AKT3: variants seen among roughly 807,000 people sequenced by gnomAD.
AKT3 encodes the protein RAC-gamma serine/threonine-protein kinase.
AKT3 carries 15 observed loss-of-function variants against 65.3 expected under a neutral mutation model. The observed-to-expected ratio is 0.23, with a 90% CI of 0.15 to 0.35. The LOEUF (loss-of-function observed/expected upper bound fraction) is 0.35. Ranked by LOEUF, AKT3 falls within the 10% of genes least tolerant of loss-of-function variation. The pLI is 1.00. For synonymous variants in AKT3, 206 were observed against 183.8 expected (o/e 1.12, Z -0.98); for missense variants, 243 against 576.5 (o/e 0.42, Z 5.92).
At chr1:243,812,502 T>A (rs1230696618) in intron 2 of AKT3, among the ~76,000 whole-genome samples, 1 of 152,166 alleles carries the variant, frequency 6.6e-6, no homozygotes, top group Non-Finnish European at 1.5e-5. Flanking sequence ...AGAATGGCGA[T>A]CATTAAAAAG....
intron 3 of AKT3, among the ~76,000 whole-genome samples, chr1:243,694,431 G>T (rs1684926024): frequency 6.6e-6 from 1 of 151,648 alleles, no homozygotes; most frequent in Non-Finnish European, 1.5e-5. Flanking sequence ...CATTTTGGTG[G>T]GAAAAAAGAT....
At chr1:243,773,223 T>A (rs1458440784) in intron 2 of AKT3, among the ~76,000 whole-genome samples, 1 of 148,212 alleles carries the variant, frequency 6.7e-6, no homozygotes, top group East Asian at 2.0e-4. Flanking sequence ...TATATATATA[T>A]ATAAAACAAA....
chr1:243,791,955 T>G (rs986483300), intron 2 of AKT3, among the ~76,000 whole-genome samples: 3 of 152,186 alleles, frequency 2.0e-5, no homozygotes, highest in African/African-American at 4.8e-5. Flanking sequence ...TTTAGTTAGG[T>G]TTATGAAGAC....
At chr1:243,611,960 T>G (rs1315623165) in intron 8 of AKT3, among the ~76,000 whole-genome samples, 1 of 152,200 alleles carries the variant, frequency 6.6e-6, no homozygotes, top group African/African-American at 2.4e-5. Context: ...AGTTAGGTCT[T>G]TCACTATGCA....
At chr1:243,491,139 T>C (rs1212116716) in intron 13 of AKT3, among the ~76,000 whole-genome samples, 1 of 152,264 alleles carries the variant, frequency 6.6e-6, no homozygotes, top group Non-Finnish European at 1.5e-5. Context: ...GCTTTGCCTT[T>C]TAACTCCCCA....
intron 2 of AKT3, chr1:243,793,449 C>A (rs778839943): frequency 1.3e-5 from 2 of 152,064 alleles, no homozygotes; most frequent in Non-Finnish European, 2.9e-5. Flanking sequence ...AACAAATGCT[C>A]CCTCTTACCA....
At chr1:243,692,135 T>C (rs1684732389) in intron 3 of AKT3, among the ~76,000 whole-genome samples, 1 of 152,160 alleles carries the variant, frequency 6.6e-6, no homozygotes, top group African/African-American at 2.4e-5. Context: ...GATAGCACCT[T>C]AGCATTTGAG....
At chr1:243,640,414 G>T (rs996689016) in intron 5 of AKT3, among the ~76,000 whole-genome samples, 1 of 152,082 alleles carries the variant, frequency 6.6e-6, no homozygotes, top group Non-Finnish European at 1.5e-5. Context: ...CTCTCCCCGG[G>T]CTAACCCTGT....
At chr1:243,795,461 T>G (rs1186125639) in intron 2 of AKT3, among the ~76,000 whole-genome samples, 2 of 123,042 alleles carry the variant, frequency 1.6e-5, no homozygotes, top group African/African-American at 3.2e-5. Context: ...TTTTTTTTTT[T>G]GTTTTTTTTT....
intron 4 of AKT3, among the ~76,000 whole-genome samples, chr1:243,653,419 A>T (rs1159238973): frequency 6.6e-6 from 1 of 152,210 alleles, no homozygotes; most frequent in Admixed American, 6.5e-5. Flanking sequence ...CCAGAGGTAC[A>T]AAGAGGAGCT....
intron 2 of AKT3, among the ~76,000 whole-genome samples, chr1:243,842,878 C>A (rs571078433): frequency 6.6e-6 from 1 of 152,120 alleles, no homozygotes; most frequent in African/African-American, 2.4e-5. Flanking sequence ...TTCTGTAACA[C>A]GCTACACACA....
At position 243,599,501 on chromosome 1, in the gene AKT3, G is replaced by A. The variant is rs114903542; in HGVS notation, c.696+14170C>T. ...TCAGATAGAAGGTAAGAAAATAGAC[G>A]TATGCTGTTATAAGGTTCTTACAGT... On this transcript the variant is annotated intron_variant, in intron 8 of 13. Coordinates refer to ENST00000673466, the MANE Select transcript of AKT3 (RefSeq NM_005465.7). 4.4e-3 allele frequency among the ~76,000 whole-genome samples: 668 copies of A among 152,176 alleles called. 2 individuals carry two copies. Among genetic ancestry groups the A allele is most frequent in the Admixed American group, 6.4e-3 (97 of 15,274 alleles).
At chr1:243,610,385 T>G (rs1288451339) in intron 8 of AKT3, among the ~76,000 whole-genome samples, 3 of 152,232 alleles carry the variant, frequency 2.0e-5, no homozygotes, top group East Asian at 1.9e-4. Flanking sequence ...ACAAGCCTCT[T>G]AGAAAGCTAA....
At chr1:243,612,974 G>A (rs2148601947) in intron 8 of AKT3, 1 of 149,194 alleles carries the variant, frequency 6.7e-6, no homozygotes, top group East Asian at 2.0e-4. Context: ...GGGAGGCAGA[G>A]GTGGTAGTAA....
rs551250822 is a variant in AKT3, at chr1:243,731,007, CG to C, written c.47-35292del. 1.5e-3 allele frequency among the ~76,000 whole-genome samples: 229 copies of C among 152,266 alleles called. 1 individual carries two copies. Among genetic ancestry groups the C allele is most frequent in the African/African-American group, 5.3e-3 (221 of 41,560 alleles). On this transcript the variant is annotated intron_variant, in intron 2 of 13. Coordinates refer to ENST00000673466, the MANE Select transcript of AKT3 (RefSeq NM_005465.7). ...CATCAGGCGTGGGATCCGGGTTGGG[CG>C]AACTGAGTGCAGCCTGCCGGGCTGA...
At chr1:243,632,595 C>G (rs1679688295) in intron 6 of AKT3, among the ~76,000 whole-genome samples, 1 of 152,164 alleles carries the variant, frequency 6.6e-6, no homozygotes, top group Admixed American at 6.5e-5. Flanking sequence ...AACTGCATAG[C>G]CACTACTGAG....
chr1:243,799,448 T>C (rs1692249281), intron 2 of AKT3, among the ~76,000 whole-genome samples: 1 of 152,204 alleles, frequency 6.6e-6, no homozygotes. Context: ...ATACTGTTAA[T>C]TATAGTTACA....
intron 3 of AKT3, among the ~76,000 whole-genome samples, chr1:243,682,070 A>G (rs1451184059): frequency 3.9e-5 from 6 of 152,144 alleles, no homozygotes; most frequent in Non-Finnish European, 8.8e-5. Context: ...TCCTCTTTCT[A>G]GAAACTATAA....
At chr1:243,533,577 C>T (rs1671693159) in intron 12 of AKT3, among the ~76,000 whole-genome samples, 1 of 152,020 alleles carries the variant, frequency 6.6e-6, no homozygotes, top group African/African-American at 2.4e-5. Flanking sequence ...ATAATTTATT[C>T]AATTAATATG....
Sources: gnomAD v4.1 joint callset for allele counts (sites outside exome capture counted in the v4.1 genomes callset) on GRCh38, gnomAD v4.1.1 for gene constraint, MANE v1.5 for transcripts, NCBI Gene and HGNC (gene_info 2026-07-23, HGNC 2026-07-21) for gene names.